The following ANKDD1B variants were observed in gnomAD, a reference collection of about 807,000 sequenced individuals.
The protein encoded by ANKDD1B is ankyrin repeat and death domain-containing protein 1B.
ANKDD1B carries 57 observed loss-of-function variants against 59.7 expected under a neutral mutation model. That is an observed-to-expected ratio of 0.95 (90% CI 0.77 to 1.19). The LOEUF (loss-of-function observed/expected upper bound fraction) is 1.19. Ranked by LOEUF, ANKDD1B falls within the 50% of genes most tolerant of loss-of-function variation. The pLI is 0.00. For synonymous variants in ANKDD1B, 216 were observed against 239.5 expected (o/e 0.90, Z 0.91); for missense variants, 602 against 641.9 (o/e 0.94, Z 0.67).
chr5:75,662,854 G>C (rs781636615), intron 10 of ANKDD1B, among the ~76,000 whole-genome samples: 1 of 151,998 alleles, frequency 6.6e-6, no homozygotes, highest in Non-Finnish European at 1.5e-5. Flanking sequence ...AAAATTTCTA[G>C]TTAGGGGTCC....
At chr5:75,618,154 G>A (rs1397401488) in intron 2 of ANKDD1B, among the ~76,000 whole-genome samples, 1 of 152,022 alleles carries the variant, frequency 6.6e-6, no homozygotes, top group African/African-American at 2.4e-5. Flanking sequence ...AGGCAGAAAG[G>A]AGAAAGGATG....
intron 3 of ANKDD1B, 129 bp from the exon 4 acceptor site, chr5:75,625,518 G>A: frequency 1.4e-6 from 1 of 694,496 alleles, no homozygotes; most frequent in South Asian, 1.9e-5. Flanking sequence ...TATCACTTTT[G>A]CTGCATATTA....
At chr5:75,626,549 A>G (rs927467374) in intron 5 of ANKDD1B, among the ~76,000 whole-genome samples, 2 of 152,200 alleles carry the variant, frequency 1.3e-5, no homozygotes, top group African/African-American at 4.8e-5. Context: ...TAACCCCTAC[A>G]ATAATCCTAT....
At chr5:75,663,798 G>C (rs1400126849) in intron 11 of ANKDD1B, among the ~76,000 whole-genome samples, 1 of 152,214 alleles carries the variant, frequency 6.6e-6, no homozygotes, top group Non-Finnish European at 1.5e-5. Context: ...TGTTCCCTCT[G>C]TCCACAGTCT....
At chr5:75,621,135 G>A (rs563640291) in intron 3 of ANKDD1B, among the ~76,000 whole-genome samples, 1 of 152,330 alleles carries the variant, frequency 6.6e-6, no homozygotes, top group Non-Finnish European at 1.5e-5. Flanking sequence ...CCACTGTCAA[G>A]TTGTAGCTTT....
chr5:75,639,613 T>C (rs1315197658), intron 7 of ANKDD1B, among the ~76,000 whole-genome samples: 1 of 152,244 alleles, frequency 6.6e-6, no homozygotes, highest in Non-Finnish European at 1.5e-5. Context: ...TGTGTTCCTG[T>C]TAACATGATT....
At chr5:75,633,462 A>C (rs553450113) in intron 5 of ANKDD1B, among the ~76,000 whole-genome samples, 2 of 151,870 alleles carry the variant, frequency 1.3e-5, no homozygotes, top group African/African-American at 4.8e-5. Flanking sequence ...GGGGGCTCCT[A>C]TGTTGTTATC....
intron 1 of ANKDD1B, among the ~76,000 whole-genome samples, chr5:75,615,159 A>C (rs1038056859): frequency 1.3e-5 from 2 of 152,216 alleles, no homozygotes. Flanking sequence ...ATAAGGTTGC[A>C]GAATTTCTGG....
At chr5:75,656,981 T>C (rs1187005053) in intron 9 of ANKDD1B, among the ~76,000 whole-genome samples, 3 of 152,220 alleles carry the variant, frequency 2.0e-5, no homozygotes, top group Non-Finnish European at 4.4e-5. Flanking sequence ...TGAATGAAGA[T>C]TTACCTGTAC....
In ANKDD1B at chr5:75,625,878, A is replaced by T; in HGVS notation, c.523A>T (p.Thr175Ser). 1 of 1,536,288 alleles carries T rather than the reference A, an allele frequency of 6.5e-7. No homozygotes were observed. Among genetic ancestry groups the T allele is most frequent in the Non-Finnish European group, 8.7e-7 (1 of 1,146,896 alleles). Residue 175 changes from threonine to serine, a missense_variant, in exon 5 of 14, where the codon ACT (threonine) becomes TCT (serine). Transcript: ENST00000601380. Reference protein sequence around the residue: ...QDGMSALHFATQSNHVRIVEY... With the variant: ...QDGMSALHFASQSNHVRIVEY... ...TGGAATGAGCGCCCTCCACTTTGCC[A>T]CTCAGAGCAATCATGTGCGCATCGT...
At chr5:75,634,651 G>A (rs1056848809) in intron 5 of ANKDD1B, 1 of 348,870 alleles carries the variant, frequency 2.9e-6, no homozygotes, top group African/African-American at 2.0e-5. Flanking sequence ...TGCTTGAGAG[G>A]ACCTTTTCTG....
intron 5 of ANKDD1B, among the ~76,000 whole-genome samples, chr5:75,630,315 C>T (rs756436242): frequency 1.3e-5 from 2 of 152,210 alleles, no homozygotes; most frequent in South Asian, 2.1e-4. Flanking sequence ...ATTTATATCT[C>T]ATTATGCTAT....
intron 1 of ANKDD1B, 56 bp from the exon 2 acceptor site, chr5:75,616,748 C>T (rs1773726390): frequency 2.6e-6 from 2 of 782,030 alleles, no homozygotes; most frequent in Non-Finnish European, 4.0e-6. Flanking sequence ...ATGAAATATG[C>T]TTTCTCTTTG....
chr5:75,657,603 G>A (rs1775008534), intron 9 of ANKDD1B, among the ~76,000 whole-genome samples: 1 of 152,144 alleles, frequency 6.6e-6, no homozygotes, highest in South Asian at 2.1e-4. Flanking sequence ...ATTTGAAGGT[G>A]AGTCTTTAAG....
chr5:75,644,953 G>C (rs1385781863), intron 7 of ANKDD1B, among the ~76,000 whole-genome samples: 1 of 127,142 alleles, frequency 7.9e-6, no homozygotes. Flanking sequence ...CTCACTCAAA[G>C]CCGCTCAACT....
intron 3 of ANKDD1B, among the ~76,000 whole-genome samples, chr5:75,624,136 T>C (rs1165065794): frequency 6.6e-6 from 1 of 152,172 alleles, no homozygotes; most frequent in Non-Finnish European, 1.5e-5. Context: ...TAGGCACTTG[T>C]ACTGAGGAAA....
intron 7 of ANKDD1B, among the ~76,000 whole-genome samples, chr5:75,643,854 C>T (rs1472416322): frequency 2.4e-4 from 1 of 4,220 alleles, no homozygotes; most frequent in Non-Finnish European, 3.4e-4. Context: ...AGAGAAAGGT[C>T]GGGTTACCCT....
intron 9 of ANKDD1B, among the ~76,000 whole-genome samples, chr5:75,657,274 ATCACTTTAAT>A (rs1421809872): frequency 6.6e-6 from 1 of 152,136 alleles, no homozygotes; most frequent in Non-Finnish European, 1.5e-5. Flanking sequence ...ACCAGACTTC[ATCACTTTAAT>A]TTTTTTATTA....
At position 75,667,004 on chromosome 5, in the gene ANKDD1B, A is replaced by G; in HGVS notation, c.1393+11A>G. ...AGGAGCAGTGGTCGGGTGAGTACAG[A>G]CTAGATGATGTGGGCAGGAGGAATT... On this transcript the variant is annotated intron_variant, in intron 12 of 13. Transcript: ENST00000601380. 4.2e-6 allele frequency: 6 copies of G among 1,428,532 alleles called. No homozygotes were observed. The highest frequency in any genetic ancestry group is 5.5e-6 in the Non-Finnish European group (6 of 1,094,020). The allele number at this position is 1,428,532 out of a possible 1,614,324, so 88.5% of individuals were successfully genotyped here. A position where few individuals can be genotyped will look rare whatever the true frequency, so the allele number is the denominator to read the frequency against.
Sources: gnomAD v4.1 joint callset for allele counts (sites outside exome capture counted in the v4.1 genomes callset) on GRCh38, gnomAD v4.1.1 for gene constraint, MANE v1.5 for transcripts, NCBI Gene and HGNC (gene_info 2026-07-23, HGNC 2026-07-21) for gene names.